The following FUT8 variants were observed in gnomAD, a reference collection of about 807,000 sequenced individuals.
FUT8 encodes the protein fucosyltransferase 8.
Under a neutral mutation model 71.3 loss-of-function variants are expected in FUT8, and 29 were observed. The ratio of observed to expected loss-of-function variants is 0.41; its 90% CI spans 0.30 to 0.55. The LOEUF (loss-of-function observed/expected upper bound fraction) is 0.55. Among genes scored for constraint, FUT8 ranks in the 20% least tolerant of loss-of-function variants. FUT8 has a pLI of 0.34. For missense variants in FUT8, 544 were observed against 702.1 expected, an observed-to-expected ratio of 0.77 and a Z score of 2.55; for synonymous variants, 254 against 239.3, an observed-to-expected ratio of 1.06 and a Z score of -0.57.
At chr14:65,651,807 A>C (rs2140325372) in intron 6 of FUT8, among the ~76,000 whole-genome samples, 1 of 152,370 alleles carries the variant, frequency 6.6e-6, no homozygotes, top group African/African-American at 2.4e-5. Flanking sequence ...TGGTGCACTC[A>C]AATTTAGATC....
intron 2 of FUT8, among the ~76,000 whole-genome samples, chr14:65,547,191 A>G (rs1885031127): frequency 6.6e-6 from 1 of 151,326 alleles, no homozygotes; most frequent in African/African-American, 2.4e-5. Flanking sequence ...ACTTCAGGGA[A>G]CCCATTTTTT....
intron 2 of FUT8, among the ~76,000 whole-genome samples, chr14:65,512,556 C>T (rs1034630580): frequency 6.6e-6 from 1 of 152,110 alleles, no homozygotes; most frequent in African/African-American, 2.4e-5. Context: ...CTTTGTATGA[C>T]AAGTTACTGA....
intron 6 of FUT8, among the ~76,000 whole-genome samples, chr14:65,645,563 ATACT>A (rs754459104): frequency 6.6e-6 from 1 of 152,222 alleles, no homozygotes; most frequent in Admixed American, 6.5e-5. Context: ...ACATACATAC[ATACT>A]TCATATTTGT....
At chr14:65,572,383 C>T (rs1439534925) in intron 3 of FUT8, among the ~76,000 whole-genome samples, 2 of 152,140 alleles carry the variant, frequency 1.3e-5, no homozygotes, top group Non-Finnish European at 2.9e-5. Context: ...TGAGTAAGTA[C>T]TCACATTATC....
chr14:65,414,454 T>C (rs1186890341), intron 1 of FUT8, among the ~76,000 whole-genome samples: 1 of 152,242 alleles, frequency 6.6e-6, no homozygotes, highest in African/African-American at 2.4e-5. Context: ...GGAGTTGTAG[T>C]CTCTGCTCTT....
At chr14:65,397,044 G>A in the FUT8 span, among the ~76,000 whole-genome samples, 4 of 152,148 alleles carry the variant, frequency 2.6e-5, no homozygotes, top group Non-Finnish European at 5.9e-5. The surrounding 1 kb of genome is among the most constrained non-coding windows in gnomAD (Gnocchi z 4.2). Flanking sequence ...ACAGTCCAAT[G>A]CCTATAGGGT....
At chr14:65,540,940 A>G (rs950517650) in intron 2 of FUT8, among the ~76,000 whole-genome samples, 1 of 152,194 alleles carries the variant, frequency 6.6e-6, no homozygotes, top group African/African-American at 2.4e-5. Flanking sequence ...ATTTTGATGG[A>G]TATTGGGGAT....
chr14:65,634,654 A>G (rs1440837611), intron 6 of FUT8, among the ~76,000 whole-genome samples: 3 of 151,614 alleles, frequency 2.0e-5, no homozygotes, highest in Non-Finnish European at 1.5e-5. Flanking sequence ...GCTGTAAATA[A>G]ATTTCTGAGT....
At chr14:65,618,648 A>G (rs750020833) in intron 5 of FUT8, among the ~76,000 whole-genome samples, 1 of 152,188 alleles carries the variant, frequency 6.6e-6, no homozygotes, top group Non-Finnish European at 1.5e-5. Flanking sequence ...TGTAGAATAT[A>G]CCCTTTTACT....
At chr14:65,598,538 T>C (rs1439587293) in intron 3 of FUT8, among the ~76,000 whole-genome samples, 2 of 152,106 alleles carry the variant, frequency 1.3e-5, no homozygotes, top group Non-Finnish European at 2.9e-5. Flanking sequence ...TTTTATTCTG[T>C]TAAATAATAG....
intron 3 of FUT8, among the ~76,000 whole-genome samples, chr14:65,583,137 C>CA (rs1416820674): frequency 1.3e-5 from 2 of 152,208 alleles, no homozygotes; most frequent in Admixed American, 1.3e-4. Flanking sequence ...CCACTTTGAT[C>CA]AAAGTACACC....
chr14:65,392,159 C>T, the FUT8 span, among the ~76,000 whole-genome samples: 5 of 150,590 alleles, frequency 3.3e-5, no homozygotes, highest in Admixed American at 6.6e-5. Context: ...CTCAAACTCC[C>T]GACCTCAGGT....
At chr14:65,531,000 C>G (rs904707109) in intron 2 of FUT8, among the ~76,000 whole-genome samples, 13 of 146,342 alleles carry the variant, frequency 8.9e-5, no homozygotes, top group African/African-American at 3.0e-4. Context: ...AAAAATTGGT[C>G]TTATATTCTA....
intron 7 of FUT8, among the ~76,000 whole-genome samples, chr14:65,694,457 T>A (rs1195931300): frequency 1.3e-5 from 2 of 152,232 alleles, no homozygotes; most frequent in Non-Finnish European, 2.9e-5. Flanking sequence ...TGTTAATGAT[T>A]TCTAGTTCCA....
chr14:65,411,690 G>C (rs1444866606), upstream of FUT8: 1 of 267,200 alleles, frequency 3.7e-6, no homozygotes, highest in Non-Finnish European at 7.3e-6. Context: ...CTTGTCTTAA[G>C]GGCACCATTT....
chr14:65,696,022 CAG>C (rs1411319960), intron 7 of FUT8, among the ~76,000 whole-genome samples: 22 of 152,074 alleles, frequency 1.4e-4, no homozygotes, highest in Admixed American at 6.6e-4. Flanking sequence ...GACCTTATAA[CAG>C]AGTATTCCTA....
chr14:65,557,989 A>G (rs942893625), intron 2 of FUT8, among the ~76,000 whole-genome samples: 2 of 152,166 alleles, frequency 1.3e-5, no homozygotes, highest in Non-Finnish European at 2.9e-5. Flanking sequence ...AATCTTCTAA[A>G]TGAAGAAAAT....
At position 65,520,727 on chromosome 14, in the gene FUT8, A is replaced by G. The variant is rs546252301; in HGVS notation, c.-227-40610A>G. 2.6e-5 allele frequency among the ~76,000 whole-genome samples: 4 copies of G among 152,194 alleles called. No individual in the cohort carries two copies. In the East Asian group the frequency reaches 7.7e-4, roughly 29 times the overall value. ...ATGGTTCTGTTTAGTAACATTTTAG[A>G]TGATATTATTTAAAAAGGTTAACAT... On this transcript the variant is annotated intron_variant, in intron 2 of 10. Coordinates refer to ENST00000673929, the MANE Select transcript of FUT8 (RefSeq NM_001371533.1).
At chr14:65,417,639 G>T (rs2065237716) in intron 1 of FUT8, among the ~76,000 whole-genome samples, 1 of 152,048 alleles carries the variant, frequency 6.6e-6, no homozygotes, top group African/African-American at 2.4e-5. Flanking sequence ...CCTCTTTGTG[G>T]TAGTCTTTTT....
Sources: allele counts gnomAD v4.1 joint callset (sites outside exome capture counted in the v4.1 genomes callset), GRCh38; gene constraint gnomAD v4.1.1; non-coding constraint Gnocchi (gnomAD v3.1); transcripts MANE v1.5; gene names NCBI Gene and HGNC (gene_info 2026-07-23, HGNC 2026-07-21).